AP5Z1: variants seen among roughly 807,000 people sequenced by gnomAD.
AP5Z1 encodes the protein AP-5 complex subunit zeta-1.
Under a neutral mutation model 83.0 loss-of-function variants are expected in AP5Z1, and 106 were observed. That is an observed-to-expected ratio of 1.28 (90% CI 1.09 to 1.50). The LOEUF is 1.50. Ranked by LOEUF, AP5Z1 falls within the 40% of genes most tolerant of loss-of-function variation. The pLI is 0.00. For missense variants in AP5Z1, 1,565 were observed against 1,094.2 expected, an observed-to-expected ratio of 1.43 and a Z score of -6.07; for synonymous variants, 751 against 514.1, an observed-to-expected ratio of 1.46 and a Z score of -6.23.
At position 4,786,389 on chromosome 7, in the gene AP5Z1, C is replaced by A; in HGVS notation, c.1272C>A (p.His424Gln). The A allele has an allele frequency of 6.2e-7, 1 of 1,613,934 alleles. No individual in the cohort carries two copies. The highest frequency in any genetic ancestry group is 8.5e-7 in the Non-Finnish European group (1 of 1,179,868). The change falls in exon 10 of 17, where the codon CAC becomes CAA. Residue 424 changes from histidine to glutamine, a missense_variant. Coordinates refer to ENST00000649063, the MANE Select transcript of AP5Z1 (RefSeq NM_014855.3). ...ACAACCTCCACCTGTTCAGCGGGCA[C>A]CTCAGCACCCTCAGATTGAGCTTCC... ...CRDNLHLFSG[H>Q]LSTLRLSFPN...
chr7:4,781,129 C>G, intron 1 of AP5Z1, 46 bp from the exon 2 acceptor site: 8 of 1,585,968 alleles, frequency 5.0e-6, no homozygotes, highest in Non-Finnish European at 6.0e-6. Context: ...TTTTTGGTTC[C>G]GAGCAGCGAG....
At chr7:4,787,454 C>A in intron 10 of AP5Z1, 180 bp from the exon 11 acceptor site, 1 of 924,318 alleles carries the variant, frequency 1.1e-6, no homozygotes, top group East Asian at 2.8e-5. Flanking sequence ...CCACTGCACT[C>A]CAGCCTGGGC....
rs534552849 is a variant in AP5Z1 at position 4,783,415 on chromosome 7, G to C, written c.466G>C (p.Val156Leu). ...EGPSLRHLLP[V>L]MAKVVVLSPG... ...ACCCAGCCTCAGACACCTCCTCCCC[G>C]TCATGGCCAAGGTCGTGGTCCTCAG... The change falls in exon 4 of 17, where the codon GTC becomes CTC. Residue 156 changes from valine (V) to leucine (L), a missense_variant. Coordinates refer to ENST00000649063, the MANE Select transcript of AP5Z1 (RefSeq NM_014855.3). 1 of 1,612,948 alleles carries C rather than the reference G, an allele frequency of 6.2e-7. No individual in the cohort carries two copies. Among genetic ancestry groups the C allele is most frequent in the Non-Finnish European group, 8.5e-7 (1 of 1,179,764 alleles).
chr7:4,784,557 T>TGGGGTCC (rs1249741934), intron 6 of AP5Z1, among the ~76,000 whole-genome samples, 186 bp downstream of exon 6: 86 of 152,216 alleles, frequency 5.6e-4, no homozygotes, highest in Middle Eastern at 6.8e-3. Context: ...CCAGCATCTT[T>TGGGGTCC]GGGGTCCAGG....
In AP5Z1 at chr7:4,791,757, C is replaced by T. The variant is rs1006016037; in HGVS notation, c.*372C>T. The T allele has an allele frequency of 3.5e-5, 10 of 283,094 alleles. No individual in the cohort carries two copies. The highest frequency in any genetic ancestry group is 7.1e-5 in the East Asian group (1 of 14,114). 17.5% of individuals were successfully genotyped at this position (283,094 alleles called of 1,614,324 possible). On this transcript the variant is annotated 3_prime_UTR_variant, in exon 17 of 17. Coordinates refer to ENST00000649063, the MANE Select transcript of AP5Z1 (RefSeq NM_014855.3). Reference sequence around the variant, plus strand: ...GTAAAAGTAAATCTCCTTTAATAAGCGTCTGTATGAAGAGTGCGCGATCAG... The same window carrying T: ...GTAAAAGTAAATCTCCTTTAATAAGTGTCTGTATGAAGAGTGCGCGATCAG...
intron 13 of AP5Z1, 23 bp downstream of exon 13, chr7:4,788,974 C>A: frequency 6.3e-7 from 1 of 1,597,246 alleles, no homozygotes; most frequent in South Asian, 1.1e-5. Flanking sequence ...CCTGGGGCCC[C>A]CCATTCCCAC....
At position 4,788,163 on chromosome 7, in the gene AP5Z1, G is replaced by A. The variant is rs376913055; in HGVS notation, c.1464G>A (p.Pro488=). The change falls in exon 12 of 17, where the codon CCG becomes CCA. Residue 488 remains proline, a synonymous_variant. Coordinates refer to ENST00000649063, the MANE Select transcript of AP5Z1 (RefSeq NM_014855.3). ...AVLDLQLRSA[P]AASERPLWDT... is the part of the protein sequence containing the mutation. ...GCGTCTGTCCACGCAGGTCAGCACC[G>A]GCTGCATCCGAGAGGCCACTCTGGG... The A allele has an allele frequency of 2.6e-4, 398 of 1,552,598 alleles. 4 individuals carry two copies. In the South Asian group the frequency reaches 3.8e-3, roughly 15 times the overall value.
At chr7:4,777,912 T>A (rs918120809) in intron 1 of AP5Z1, among the ~76,000 whole-genome samples, 1 of 152,230 alleles carries the variant, frequency 6.6e-6, no homozygotes. Context: ...GACTGTAGTT[T>A]GAGGGTTAAG....
At chr7:4,786,887 C>T (rs573946462) in intron 10 of AP5Z1, among the ~76,000 whole-genome samples, 2 of 152,266 alleles carry the variant, frequency 1.3e-5, no homozygotes, top group Admixed American at 6.5e-5. Context: ...TCTCCTGCGT[C>T]AGCCACCTGA....
intron 1 of AP5Z1, among the ~76,000 whole-genome samples, chr7:4,778,832 A>G (rs890635707): frequency 6.9e-6 from 1 of 145,280 alleles, no homozygotes; most frequent in Admixed American, 7.1e-5. Flanking sequence ...ATTATATATC[A>G]TTATATATAA....
rs374907641 is a variant in AP5Z1 at position 4,790,504 on chromosome 7, C to A, written c.1851C>A (p.Ser617=). Reference sequence around the variant, plus strand: ...TGGCCCTGTGTACGCTGAAACCCTCCCTGGTGGTGGAGCTGGCAAGAGACC... The same window carrying A: ...TGGCCCTGTGTACGCTGAAACCCTCACTGGTGGTGGAGCTGGCAAGAGACC... ...QFLALCTLKP[S]LVVELARDLL... is the part of the protein sequence containing the mutation. The change falls in exon 15 of 17, where the codon TCC becomes TCA. Residue 617 remains serine, a synonymous_variant. Coordinates refer to ENST00000649063, the MANE Select transcript of AP5Z1 (RefSeq NM_014855.3). 6.2e-7 allele frequency: 1 copy of A among 1,613,150 alleles called. No individual in the cohort carries two copies. Among genetic ancestry groups the A allele is most frequent in the Non-Finnish European group, 8.5e-7 (1 of 1,179,858 alleles).
At chr7:4,781,826 G>A (rs1781391179) in intron 3 of AP5Z1, 72 bp downstream of exon 3, 1 of 1,443,918 alleles carries the variant, frequency 6.9e-7, no homozygotes, top group African/African-American at 1.4e-5. Context: ...ACAGGAAGCA[G>A]GGGCGCCAGA....
chr7:4,787,888 C>G (rs1323517115), intron 11 of AP5Z1, 112 bp downstream of exon 11: 3 of 1,328,806 alleles, frequency 2.3e-6, no homozygotes, highest in Non-Finnish European at 3.0e-6. Context: ...CTTCTTCCCC[C>G]CCCAACACCT....
chr7:4,778,547 C>T (rs1475714295), intron 1 of AP5Z1, among the ~76,000 whole-genome samples: 3 of 151,602 alleles, frequency 2.0e-5, no homozygotes, highest in Admixed American at 6.6e-5. Context: ...TTGGAGGCAG[C>T]GTTGGGGTCT....
rs1781370537 is a variant in AP5Z1, at chr7:4,781,181, C to G, written c.48C>G (p.Ile16Met). The G allele has an allele frequency of 1.9e-6, 3 of 1,613,802 alleles. No homozygotes were observed. The highest frequency in any genetic ancestry group is 1.7e-5 in the Admixed American group (1 of 60,014). The change falls in exon 2 of 17, where the codon ATC becomes ATG. Residue 16 changes from isoleucine (I) to methionine (M), a missense_variant. By Grantham distance (10) the Ile-to-Met change is conservative (BLOSUM62 1). Transcript: ENST00000649063. ...AGTCCTCTTCTTTGTTTAGGGAGAT[C>G]CAGGACGAGGAGCTGAAGAAGTTCT... ...AESLLHQAREIQDEELKKFCS... is the reference protein window; with the variant it reads ...AESLLHQAREMQDEELKKFCS...
At chr7:4,783,563 C>T (rs540840943) in intron 4 of AP5Z1, 103 bp downstream of exon 4, 13 of 1,420,714 alleles carry the variant, frequency 9.2e-6, no homozygotes, top group East Asian at 4.8e-5. Context: ...GTGGGGGACA[C>T]GGGGAGGCCC....
chr7:4,780,770 A>G (rs777393326), intron 1 of AP5Z1, among the ~76,000 whole-genome samples: 61 of 151,068 alleles, frequency 4.0e-4, no homozygotes, highest in Non-Finnish European at 7.2e-4. Context: ...CATCTCGGGG[A>G]AAAAAAAAAT....
chr7:4,781,069 C>T (rs949416117), intron 1 of AP5Z1, 106 bp from the exon 2 acceptor site: 25 of 1,427,070 alleles, frequency 1.8e-5, no homozygotes, highest in African/African-American at 1.1e-4. Context: ...TCCACACACT[C>T]GGCTTCTCTT....
rs182694738 is a variant in AP5Z1 at position 4,781,297 on chromosome 7, C to T, written c.164C>T (p.Thr55Met). ...LQRLFLIISATKYSRRLEKTC... is the reference protein window; with the variant it reads ...LQRLFLIISAMKYSRRLEKTC... ...AGGCTCTTCCTCATCATCTCAGCCACGAAGTACAGCCGGAGGTGAGTGTGG... is the reference window on the plus strand; with the variant it reads ...AGGCTCTTCCTCATCATCTCAGCCATGAAGTACAGCCGGAGGTGAGTGTGG... The change falls in exon 2 of 17, where the codon ACG (threonine) becomes ATG (methionine). Residue 55 changes from threonine (T) to methionine (M), a missense_variant. Transcript: ENST00000649063. The T allele has an allele frequency of 4.0e-5, 64 of 1,613,562 alleles. No homozygotes were observed. The Admixed American group carries it at 5.2e-4, about 13-fold the overall frequency.
Sources: allele counts gnomAD v4.1 joint callset (sites outside exome capture counted in the v4.1 genomes callset), GRCh38; gene constraint gnomAD v4.1.1; transcripts MANE v1.5; gene names NCBI Gene and HGNC (gene_info 2026-07-23, HGNC 2026-07-21).